Variants in PPP2R3B observed in about 807,000 individuals in gnomAD.
The protein encoded by PPP2R3B is protein phosphatase 2 regulatory subunit B''beta, also known as serine/threonine-protein phosphatase 2A regulatory subunit B'' subunit beta.
PPP2R3B carries 68 observed loss-of-function variants against 72.9 expected under a neutral mutation model. The observed-to-expected ratio is 0.93, with a 90% CI of 0.77 to 1.14. The LOEUF is 1.14. PPP2R3B is among the 50% of genes most tolerant of loss of function. The pLI is 0.00. For synonymous variants in PPP2R3B, 466 were observed against 375.8 expected, an observed-to-expected ratio of 1.24 and a Z score of -2.78; for missense variants, 1,018 against 842.0, an observed-to-expected ratio of 1.21 and a Z score of -2.59.
intron 10 of PPP2R3B, among the ~76,000 whole-genome samples, chrX:339,109 G>A (rs1194471304): frequency 6.7e-6 from 1 of 149,420 alleles, no homozygotes; most frequent in Non-Finnish European, 1.5e-5. Flanking sequence ...GAGGCGACTA[G>A]GGGCCACCGG....
intron 2 of PPP2R3B, among the ~76,000 whole-genome samples, chrX:348,284 A>C (rs2071264500): frequency 1.7e-5 from 1 of 59,614 alleles, no homozygotes; most frequent in Admixed American, 1.3e-4. Flanking sequence ...AAAATTAATT[A>C]ACCCTGGCTG....
In PPP2R3B at chrX:386,784, G is replaced by T; in HGVS notation, c.-93C>A. ...CCCCGGACCGACCTCGGTGATGCGA[G>T]CACGGCCCGCTGAGGGGGCGCGGCG... On this transcript the variant is annotated 5_prime_UTR_variant, in exon 1 of 13. Transcript: ENST00000390665. 1.3e-6 allele frequency: 1 copy of T among 768,556 alleles called. No individual in the cohort carries two copies. The allele number at this position is 768,556 out of a possible 1,614,324, so 47.6% of individuals were successfully genotyped here.
At chrX:338,516 ACACACCCGTCCTC>A in intron 12 of PPP2R3B, 75 bp downstream of exon 12, 1 of 1,240,298 alleles carries the variant, frequency 8.1e-7, no homozygotes, top group Non-Finnish European at 1.1e-6. Flanking sequence ...CCGGCTGCAC[ACACACCCGTCCTC>A]CCACTCACCC....
At chrX:351,865 T>C (rs888209298) in intron 2 of PPP2R3B, among the ~76,000 whole-genome samples, 1 of 152,148 alleles carries the variant, frequency 6.6e-6, no homozygotes, top group African/African-American at 2.4e-5. Context: ...GCCTGGGTAA[T>C]TTTTTTAATT....
chrX:378,070 T>G (rs1189679619), intron 1 of PPP2R3B, among the ~76,000 whole-genome samples: 3 of 152,186 alleles, frequency 2.0e-5, no homozygotes, highest in Non-Finnish European at 4.4e-5. Context: ...TACACTACTG[T>G]GTACAGGGAC....
At chrX:344,361 C>T (rs1211476444) in intron 7 of PPP2R3B, among the ~76,000 whole-genome samples, 4 of 152,228 alleles carry the variant, frequency 2.6e-5, no homozygotes, top group Non-Finnish European at 5.9e-5. Flanking sequence ...AGTGAAAGCA[C>T]CGTCGCCGTC....
chrX:367,559 G>A (rs1432654805), intron 1 of PPP2R3B, among the ~76,000 whole-genome samples: 18 of 152,080 alleles, frequency 1.2e-4, no homozygotes, highest in South Asian at 8.3e-4. Context: ...CCCCGTGCCC[G>A]GCCAGCCATT....
intron 1 of PPP2R3B, among the ~76,000 whole-genome samples, chrX:383,761 C>A (rs2072176642): frequency 7.2e-6 from 1 of 139,572 alleles, no homozygotes; most frequent in South Asian, 2.4e-4. Context: ...TGGCGTGAAC[C>A]CGGGAGGCGG....
In PPP2R3B at chrX:346,372, C is replaced by T. The variant is rs118054549; in HGVS notation, c.793-112G>A. On this transcript the variant is annotated intron_variant, in intron 5 of 12. Transcript: ENST00000390665. Reference sequence around the variant, plus strand: ...CGCCCTTGGTCTCAGCCGCACGGGGCCGCCAGGGCACAGGCGGGGGCAGAG... The same window carrying T: ...CGCCCTTGGTCTCAGCCGCACGGGGTCGCCAGGGCACAGGCGGGGGCAGAG... The T allele has an allele frequency of 0.014, 14,867 of 1,064,650 alleles. 1,417 individuals are homozygous for T. In the African/African-American group the frequency reaches 0.21, roughly 15 times the overall value. 66.0% of individuals were successfully genotyped at this position (1,064,650 alleles called of 1,614,324 possible). A position where few individuals can be genotyped will look rare whatever the true frequency, so the allele number is the denominator to read the frequency against.
intron 1 of PPP2R3B, among the ~76,000 whole-genome samples, chrX:382,552 T>C (rs765306638): frequency 7.9e-5 from 12 of 151,124 alleles, no homozygotes; most frequent in African/African-American, 2.7e-4. Context: ...ACTCAGTGCA[T>C]TTCTCAAGTT....
chrX:354,250 G>T (rs968678757), intron 2 of PPP2R3B, among the ~76,000 whole-genome samples: 1 of 150,564 alleles, frequency 6.6e-6, no homozygotes, highest in Admixed American at 6.6e-5. Context: ...CAAACACTGG[G>T]GGCTCACCCA....
At chrX:345,364 G>C in intron 7 of PPP2R3B, 152 bp downstream of exon 7, 1 of 1,094,058 alleles carries the variant, frequency 9.1e-7, no homozygotes. Flanking sequence ...AGGAGAGGCA[G>C]CTGCAGACAC....
At chrX:379,246 T>C (rs926937052) in intron 1 of PPP2R3B, among the ~76,000 whole-genome samples, 1 of 151,926 alleles carries the variant, frequency 6.6e-6, no homozygotes, top group Admixed American at 6.6e-5. Context: ...CCTATGTGTG[T>C]GTGTGTGTAT....
At chrX:377,518 A>G (rs2072022581) in intron 1 of PPP2R3B, among the ~76,000 whole-genome samples, 1 of 61,726 alleles carries the variant, frequency 1.6e-5, no homozygotes, top group South Asian at 8.6e-4. Context: ...GGGGCTGTCT[A>G]TACACTACTG....
At chrX:355,888 G>A (rs1231675139) in intron 2 of PPP2R3B, among the ~76,000 whole-genome samples, 2 of 152,020 alleles carry the variant, frequency 1.3e-5, no homozygotes, top group Non-Finnish European at 2.9e-5. Flanking sequence ...ATGCAGGGAC[G>A]CCTATTGTCT....
In PPP2R3B at chrX:386,698, G is replaced by A; in HGVS notation, c.-7C>T. 1.6e-6 allele frequency: 2 copies of A among 1,273,580 alleles called. No homozygotes were observed. Among genetic ancestry groups the A allele is most frequent in the East Asian group, 3.4e-5 (1 of 29,766 alleles). 78.9% of individuals were successfully genotyped at this position (1,273,580 alleles called of 1,614,324 possible). A position where few individuals can be genotyped will look rare whatever the true frequency, so the allele number is the denominator to read the frequency against. Reference sequence around the variant, plus strand: ...GCACTTTGCCGGGCGGCATGGCGGGGGCTGGGCCCGCGGCGCCCCCGGACG... The same window carrying A: ...GCACTTTGCCGGGCGGCATGGCGGGAGCTGGGCCCGCGGCGCCCCCGGACG... On this transcript the variant is annotated 5_prime_UTR_variant, in exon 1 of 13. Coordinates refer to ENST00000390665, the MANE Select transcript of PPP2R3B (RefSeq NM_013239.5).
chrX:347,518 G>T (rs1196133473), intron 3 of PPP2R3B, 72 bp downstream of exon 3: 2 of 1,487,342 alleles, frequency 1.3e-6, no homozygotes, highest in Non-Finnish European at 1.8e-6. Flanking sequence ...GGGGGCACCC[G>T]TCCTGGCACC....
At chrX:334,557 G>A (rs1363667744) in intron 12 of PPP2R3B, 40 bp from the exon 13 acceptor site, 1 of 1,453,398 alleles carries the variant, frequency 6.9e-7, no homozygotes, top group Non-Finnish European at 9.0e-7. Flanking sequence ...CAGCAGCGCG[G>A]AGCAGGCCCT....
intron 5 of PPP2R3B, 23 bp downstream of exon 5, chrX:346,678 C>T (rs1212287099): frequency 5.0e-6 from 8 of 1,594,792 alleles, no homozygotes; most frequent in Admixed American, 3.4e-5. Flanking sequence ...CTGGAACCGA[C>T]GGCCCCTCCG....
Sources: gnomAD v4.1 joint callset for allele counts (sites outside exome capture counted in the v4.1 genomes callset) on GRCh38, gnomAD v4.1.1 for gene constraint, MANE v1.5 for transcripts, NCBI Gene and HGNC (gene_info 2026-07-23, HGNC 2026-07-21) for gene names.